The following RASGRP3 variants were observed in gnomAD, a reference collection of about 807,000 sequenced individuals.
RASGRP3 encodes the protein ras guanyl-releasing protein 3.
Under a neutral mutation model 82.7 loss-of-function variants are expected in RASGRP3, and 54 were observed. That is an observed-to-expected ratio of 0.65 (90% CI 0.52 to 0.82). The LOEUF (loss-of-function observed/expected upper bound fraction) is 0.82. Ranked by LOEUF, RASGRP3 falls within the 40% of genes least tolerant of loss-of-function variation. RASGRP3 has a pLI of 0.00. For synonymous variants in RASGRP3, 309 were observed against 300.5 expected (o/e 1.03, Z -0.29); for missense variants, 861 against 828.9 (o/e 1.04, Z -0.48).
At chr2:33,531,123 C>T (rs975976300) in intron 10 of RASGRP3, among the ~76,000 whole-genome samples, 2 of 151,950 alleles carry the variant, frequency 1.3e-5, no homozygotes, top group Non-Finnish European at 2.9e-5. Context: ...GTCTGATGTC[C>T]AGGTGTGTTT....
intron 12 of RASGRP3, among the ~76,000 whole-genome samples, chr2:33,540,553 GTTTTGTGTGT>G (rs1397376290): frequency 3.2e-5 from 4 of 126,078 alleles, no homozygotes; most frequent in African/African-American, 8.7e-5. Context: ...CTGTGTGTGT[GTTTTGTGTGT>G]GTGTGTGTGT....
At chr2:33,448,955 T>C (rs1406103271) in intron 2 of RASGRP3, among the ~76,000 whole-genome samples, 2 of 152,256 alleles carry the variant, frequency 1.3e-5, no homozygotes, top group African/African-American at 2.4e-5. Context: ...ACCTTACATA[T>C]AGTAAATGTT....
chr2:33,556,790 A>G (rs1676014148), intron 15 of RASGRP3, among the ~76,000 whole-genome samples: 1 of 151,576 alleles, frequency 6.6e-6, no homozygotes, highest in Non-Finnish European at 1.5e-5. Flanking sequence ...CCTTGGTCTA[A>G]CTTAGATTTT....
At chr2:33,438,280 G>A (rs762872933) in intron 1 of RASGRP3, among the ~76,000 whole-genome samples, 7 of 152,284 alleles carry the variant, frequency 4.6e-5, no homozygotes, top group South Asian at 2.1e-4. Flanking sequence ...TGTATTCATG[G>A]GGCCAGGCGT....
rs1159926045 is a variant in RASGRP3, at chr2:33,520,640, A to G, written c.324A>G (p.Gln108=). Residue 108 remains glutamine (Q), a synonymous_variant, in exon 6 of 18, where the codon CAA becomes CAG. Transcript: ENST00000403687. ...MTEEFREVAS[Q]LGYEKHVSLI... ...AGGAATTTCGGGAAGTAGCTAGTCA[A>G]CTAGGATATGAAAAACACGTCAGCC... The G allele has an allele frequency of 3.7e-6, 6 of 1,613,908 alleles. No homozygotes were observed. In the East Asian group the frequency reaches 8.9e-5, roughly 24 times the overall value.
chr2:33,448,151 A>G (rs56097501), intron 2 of RASGRP3, among the ~76,000 whole-genome samples: 2 of 152,214 alleles, frequency 1.3e-5, no homozygotes, highest in Admixed American at 6.5e-5. Context: ...CAGAAATGCT[A>G]TAACATTTAT....
chr2:33,459,201 C>G (rs1000250691), intron 2 of RASGRP3, among the ~76,000 whole-genome samples: 3 of 152,126 alleles, frequency 2.0e-5, no homozygotes, highest in Non-Finnish European at 4.4e-5. Context: ...GTGGCGCAGT[C>G]TTGGCTCACT....
intron 11 of RASGRP3, among the ~76,000 whole-genome samples, chr2:33,536,623 G>T (rs1184997261): frequency 6.6e-6 from 1 of 151,778 alleles, no homozygotes; most frequent in East Asian, 1.9e-4. Context: ...TTTATTTGTT[G>T]TAAGAGTAGA....
chr2:33,442,292 A>G (rs1665266774), intron 1 of RASGRP3, among the ~76,000 whole-genome samples: 2 of 152,188 alleles, frequency 1.3e-5, no homozygotes, highest in Non-Finnish European at 2.9e-5. Flanking sequence ...TGAACCCAAG[A>G]GGCGGAGGTT....
intron 15 of RASGRP3, among the ~76,000 whole-genome samples, chr2:33,557,438 G>A (rs188679835): frequency 7.9e-5 from 12 of 152,262 alleles, no homozygotes; most frequent in South Asian, 4.2e-4. Flanking sequence ...GGCCGGGCAC[G>A]GTGGCTCACG....
intron 2 of RASGRP3, among the ~76,000 whole-genome samples, chr2:33,463,904 C>T (rs1666524650): frequency 1.3e-5 from 2 of 151,580 alleles, no homozygotes; most frequent in Non-Finnish European, 2.9e-5. Flanking sequence ...CCAGCCCTTT[C>T]ATTCTTTTTA....
At chr2:33,461,362 T>A (rs1423568722) in intron 2 of RASGRP3, among the ~76,000 whole-genome samples, 1 of 152,228 alleles carries the variant, frequency 6.6e-6, no homozygotes, top group Non-Finnish European at 1.5e-5. Context: ...TACTGCAGCC[T>A]CCATCTCCCG....
chr2:33,537,632 A>G (rs1033471820), intron 11 of RASGRP3, among the ~76,000 whole-genome samples: 1 of 152,170 alleles, frequency 6.6e-6, no homozygotes, highest in African/African-American at 2.4e-5. Context: ...AAGTGCTGGG[A>G]TTACAGGTGT....
intron 2 of RASGRP3, among the ~76,000 whole-genome samples, chr2:33,456,471 A>G (rs1424220182): frequency 2.6e-5 from 4 of 152,246 alleles, no homozygotes; most frequent in African/African-American, 9.6e-5. Flanking sequence ...CAACTTTAAA[A>G]TACATACTTG....
intron 2 of RASGRP3, among the ~76,000 whole-genome samples, chr2:33,470,581 G>C (rs1438458965): frequency 2.0e-5 from 3 of 151,872 alleles, no homozygotes; most frequent in Non-Finnish European, 2.9e-5. Flanking sequence ...GGGTTTCACC[G>C]TGTTAGCCAG....
intron 4 of RASGRP3, among the ~76,000 whole-genome samples, chr2:33,518,696 T>A (rs1671691275): frequency 6.6e-6 from 1 of 152,022 alleles, no homozygotes. Context: ...TTCTACAAAC[T>A]TACTCTATTT....
chr2:33,470,671 G>A (rs1439860263), intron 2 of RASGRP3, among the ~76,000 whole-genome samples: 4 of 152,018 alleles, frequency 2.6e-5, no homozygotes, highest in Non-Finnish European at 5.9e-5. Context: ...GAGCCACCAC[G>A]CCCGGCCAAG....
chr2:33,455,780 C>G (rs907342586), intron 2 of RASGRP3, among the ~76,000 whole-genome samples: 1 of 152,192 alleles, frequency 6.6e-6, no homozygotes, highest in African/African-American at 2.4e-5. Context: ...TGGTTTAGTT[C>G]AAATTCCTTA....
intron 1 of RASGRP3, among the ~76,000 whole-genome samples, chr2:33,486,260 T>C (rs1456090361): frequency 6.6e-6 from 1 of 151,916 alleles, no homozygotes; most frequent in East Asian, 1.9e-4. Flanking sequence ...TGTCTCCTAG[T>C]TCAAGCGATT....
Sources: allele counts gnomAD v4.1 joint callset (sites outside exome capture counted in the v4.1 genomes callset), GRCh38; gene constraint gnomAD v4.1.1; transcripts MANE v1.5; gene names NCBI Gene and HGNC (gene_info 2026-07-23, HGNC 2026-07-21).